ABRAXAS1: variants seen among roughly 807,000 people sequenced by gnomAD.
ABRAXAS1 encodes the protein BRCA1-A complex subunit Abraxas 1.
In ABRAXAS1, 26 loss-of-function variants were observed where a neutral mutation model predicts 38.4. The ratio of observed to expected loss-of-function variants is 0.68; its 90% CI spans 0.50 to 0.94. The LOEUF (loss-of-function observed/expected upper bound fraction) is 0.94, where lower values mean the gene tolerates loss of function less well. ABRAXAS1 is among the 40% of genes least tolerant of loss of function. The pLI is 0.00. For synonymous variants in ABRAXAS1, 144 were observed against 165.5 expected (o/e 0.87, Z 1.00); for missense variants, 438 against 481.9 (o/e 0.91, Z 0.85).
chr4:83,459,720 C>CAA lies in ABRAXAS1; in HGVS notation c.*2748_*2749insTT. On this transcript the variant is annotated 3_prime_UTR_variant, in exon 9 of 9. Transcript: ENST00000321945. Reference sequence around the variant, plus strand: ...ATAACAGATACTTTTTTTTCCCCTCCACATAAAACTCCAAAACAGCTTTTG... The same window carrying CAA: ...ATAACAGATACTTTTTTTTCCCCTCCAAACATAAAACTCCAAAACAGCTTTTG... The CAA allele has an allele frequency of 6.3e-7, 1 of 1,599,184 alleles. No individual in the cohort carries two copies. Among genetic ancestry groups the CAA allele is most frequent in the East Asian group, 2.3e-5 (1 of 44,436 alleles).
Position 83,460,871 on chromosome 4 carries a change from A to T in ABRAXAS1, c.*1598T>A. On this transcript the variant is annotated 3_prime_UTR_variant, in exon 9 of 9. Coordinates refer to ENST00000321945, the MANE Select transcript of ABRAXAS1 (RefSeq NM_139076.3). ...CAGTGAGGCGAGAGAGCACCACTGT[A>T]CTCCAGCCTGGGTGACACAGGGAGA... 1.1e-6 allele frequency: 1 copy of T among 952,284 alleles called. No individual in the cohort carries two copies. Among genetic ancestry groups the T allele is most frequent in the Non-Finnish European group, 1.6e-6 (1 of 615,310 alleles). The allele number at this position is 952,284 out of a possible 1,614,324, so 59.0% of individuals were successfully genotyped here.
intron 5 of ABRAXAS1, 193 bp downstream of exon 5, chr4:83,470,010 G>A (rs1722521079): frequency 4.4e-6 from 2 of 457,490 alleles, no homozygotes; most frequent in Non-Finnish European, 7.7e-6. Flanking sequence ...ATTCCACACT[G>A]GGCTTCTAAT....
chr4:83,476,840 C>T (rs1258858146), intron 2 of ABRAXAS1, among the ~76,000 whole-genome samples, 161 bp from the exon 3 acceptor site: 1 of 152,160 alleles, frequency 6.6e-6, no homozygotes, highest in African/African-American at 2.4e-5. Flanking sequence ...CATTATTCCC[C>T]TTTCAAAGAT....
intron 3 of ABRAXAS1, among the ~76,000 whole-genome samples, chr4:83,472,717 T>C (rs1722628130): frequency 6.6e-6 from 1 of 152,220 alleles, no homozygotes; most frequent in South Asian, 2.1e-4. Flanking sequence ...TATTCACTGC[T>C]AGTTACAAAA....
intron 7 of ABRAXAS1, 88 bp from the exon 8 acceptor site, chr4:83,463,696 G>T: frequency 1.5e-6 from 1 of 655,846 alleles, no homozygotes; most frequent in Non-Finnish European, 2.4e-6. Flanking sequence ...TAAAATCATT[G>T]GTGGTATATA....
chr4:83,466,819 G>A (rs559387343), intron 7 of ABRAXAS1: 1 of 152,816 alleles, frequency 6.5e-6, no homozygotes, highest in East Asian at 1.9e-4. Flanking sequence ...TTACAGGCGT[G>A]AGCCACTGCG....
At chr4:83,480,451 CT>C (rs1388432495) in intron 2 of ABRAXAS1, 1 of 283,608 alleles carries the variant, frequency 3.5e-6, no homozygotes, top group African/African-American at 2.3e-5. Context: ...ATATTGCAAG[CT>C]AGTAAGAATC....
rs1233303102 is a variant in ABRAXAS1, at chr4:83,460,051, A to G, written c.*2418T>C. The G allele has an allele frequency of 3.1e-6, 1 of 325,300 alleles. No homozygotes were observed. Among genetic ancestry groups the G allele is most frequent in the Non-Finnish European group, 5.5e-6 (1 of 180,204 alleles). The allele number at this position is 325,300 out of a possible 1,614,324, so 20.2% of individuals were successfully genotyped here. ...TGTTGTTGATGTTTTGGAATATACT[A>G]TAATCATTCCTAGATTGATACTTAA... On this transcript the variant is annotated 3_prime_UTR_variant, in exon 9 of 9. Transcript: ENST00000321945.
At chr4:83,480,982 G>A (rs1722982747) in intron 2 of ABRAXAS1, among the ~76,000 whole-genome samples, 1 of 151,866 alleles carries the variant, frequency 6.6e-6, no homozygotes, top group African/African-American at 2.4e-5. Context: ...AATACAAAAA[G>A]TTAGCCGGGC....
intron 3 of ABRAXAS1, among the ~76,000 whole-genome samples, chr4:83,474,326 G>A (rs1000554046): frequency 1.3e-5 from 2 of 152,062 alleles, no homozygotes; most frequent in African/African-American, 4.8e-5. Context: ...CAAACTTTCT[G>A]TAAAGGCTTG....
At position 83,462,320 on chromosome 4, in the gene ABRAXAS1, C is replaced by T; in HGVS notation, c.*149G>A. 2 of 671,084 alleles carry T rather than the reference C, an allele frequency of 3.0e-6. No homozygotes were observed. Among genetic ancestry groups the T allele is most frequent in the Non-Finnish European group, 5.0e-6 (2 of 398,120 alleles). 41.6% of individuals were successfully genotyped at this position (671,084 alleles called of 1,614,324 possible). Reference sequence around the variant, plus strand: ...AAAAGTACTTTGTGAAGTAAATGCACTAAGAGTTATCTGTGTATTACTGCA... The same window carrying T: ...AAAAGTACTTTGTGAAGTAAATGCATTAAGAGTTATCTGTGTATTACTGCA... On this transcript the variant is annotated 3_prime_UTR_variant, in exon 9 of 9. Coordinates refer to ENST00000321945, the MANE Select transcript of ABRAXAS1 (RefSeq NM_139076.3).
At chr4:83,465,075 A>T (rs1443141914) in intron 7 of ABRAXAS1, among the ~76,000 whole-genome samples, 1 of 151,766 alleles carries the variant, frequency 6.6e-6, no homozygotes, top group African/African-American at 2.4e-5. Context: ...GCAGGTAGAT[A>T]ACCTGAGGTC....
In ABRAXAS1 at chr4:83,469,108, A is replaced by T. The variant is rs750293085; in HGVS notation, c.520T>A (p.Ser174Thr). ...ACAGTTTTATAACCCAGTTGTTCAG[A>T]CATGCCCAGATTGGCAACCACTAAA... ...VPLVVANLGM[S>T]EQLGYKTVSG... is the part of the protein sequence containing the mutation. The change falls in exon 6 of 9, where the codon TCT becomes ACT. Residue 174 changes from serine (S) to threonine (T), a missense_variant. Ser to Thr is a moderately conservative substitution (Grantham distance 58). Transcript: ENST00000321945. The T allele has an allele frequency of 1.9e-6, 3 of 1,613,924 alleles. No individual in the cohort carries two copies. The Admixed American group carries it at 5.0e-5, about 27-fold the overall frequency.
intron 6 of ABRAXAS1, among the ~76,000 whole-genome samples, chr4:83,468,221 C>T (rs1722444376): frequency 2.0e-5 from 3 of 151,268 alleles, no homozygotes; most frequent in Non-Finnish European, 4.4e-5. Flanking sequence ...AGGAGAATCA[C>T]TTGAACCTGG....
Position 83,476,677 on chromosome 4 carries a change from T to C in ABRAXAS1, c.181A>G (p.Ile61Val). ...TGATAGCATGGAATATATTTCTGAATGTCTGGAAGAAAAGGATTTTTAGTT... is the reference window on the plus strand; with the variant it reads ...TGATAGCATGGAATATATTTCTGAACGTCTGGAAGAAAAGGATTTTTAGTT... The part of the protein sequence containing the change: ...DDVEVVYTID[I>V]QKYIPCYQLF... The change falls in exon 3 of 9, where the codon ATT (isoleucine) becomes GTT (valine). Residue 61 changes from isoleucine to valine, a missense_variant and splice_region_variant. Coordinates refer to ENST00000321945, the MANE Select transcript of ABRAXAS1 (RefSeq NM_139076.3). 1 of 1,559,666 alleles carries C rather than the reference T, an allele frequency of 6.4e-7. No individual in the cohort carries two copies. Among genetic ancestry groups the C allele is most frequent in the East Asian group, 2.2e-5 (1 of 44,572 alleles).
chr4:83,463,147 G>A (rs1013082855), intron 8 of ABRAXAS1, among the ~76,000 whole-genome samples: 1 of 152,154 alleles, frequency 6.6e-6, no homozygotes, highest in African/African-American at 2.4e-5. Flanking sequence ...AGCACAGAAA[G>A]GGCCGAGCGC....
Position 83,460,866 on chromosome 4 carries a change from A to C in ABRAXAS1, c.*1603T>G. ...GGTTGCAGTGAGGCGAGAGAGCACC[A>C]CTGTACTCCAGCCTGGGTGACACAG... On this transcript the variant is annotated 3_prime_UTR_variant, in exon 9 of 9. Coordinates refer to ENST00000321945, the MANE Select transcript of ABRAXAS1 (RefSeq NM_139076.3). 1.1e-6 allele frequency: 1 copy of C among 901,742 alleles called. No individual in the cohort carries two copies. Among genetic ancestry groups the C allele is most frequent in the Non-Finnish European group, 1.7e-6 (1 of 571,876 alleles). 55.9% of individuals were successfully genotyped at this position (901,742 alleles called of 1,614,324 possible).
rs186538941 is a variant in ABRAXAS1 at position 83,483,846 on chromosome 4, C to G, written c.87+1140G>C. On this transcript the variant is annotated intron_variant, in intron 1 of 8. Transcript: ENST00000321945. ...CCCAAGGGCTAATCGTTTAAGCTAC[C>G]GAGGATTTACGGTCCCACTCTATCT... The G allele has an allele frequency of 1.7e-3, 309 of 187,270 alleles. 2 individuals carry two copies. The highest frequency in any genetic ancestry group is 8.6e-3 in the Middle Eastern group (3 of 350). The allele number at this position is 187,270 out of a possible 1,614,324, so 11.6% of individuals were successfully genotyped here. A position where few individuals can be genotyped will look rare whatever the true frequency, so the allele number is the denominator to read the frequency against.
At chr4:83,480,347 G>A in intron 2 of ABRAXAS1, 1 of 417,096 alleles carries the variant, frequency 2.4e-6, no homozygotes, top group Admixed American at 2.8e-5. Context: ...ACTCCAGTCT[G>A]GGCGACAGAA....
Sources: allele counts gnomAD v4.1 joint callset (sites outside exome capture counted in the v4.1 genomes callset), GRCh38; gene constraint gnomAD v4.1.1; transcripts MANE v1.5; gene names NCBI Gene and HGNC (gene_info 2026-07-23, HGNC 2026-07-21).